The following DSCAM variants were observed in gnomAD, a reference collection of about 807,000 sequenced individuals.
DSCAM encodes the protein DS cell adhesion molecule.
A neutral mutation model predicts 217.7 loss-of-function variants in DSCAM; 47 were observed. The ratio of observed to expected loss-of-function variants is 0.22; its 90% confidence interval spans 0.17 to 0.28. The LOEUF is 0.28. Among genes scored for constraint, DSCAM ranks in the 10% least tolerant of loss-of-function variants. The pLI is 1.00. For missense variants in DSCAM, 2,080 were observed against 2,618.3 expected (o/e 0.79, Z 4.49); for synonymous variants, 1,056 against 1,015.3 (o/e 1.04, Z -0.76).
At chr21:40,053,904 A>G (rs2222999) in intron 29 of DSCAM, among the ~76,000 whole-genome samples, 71,737 of 152,032 alleles carry the variant, frequency 0.47, 17,635 homozygotes, top group African/African-American at 0.58. Context: ...GTCTAGTGAG[A>G]CGCATTTAGC....
intron 20 of DSCAM, among the ~76,000 whole-genome samples, chr21:40,110,417 C>T (rs1471563955): frequency 2.0e-5 from 3 of 152,092 alleles, no homozygotes; most frequent in South Asian, 2.1e-4. Context: ...CCCATCTGTA[C>T]GTCACCATCA....
rs139410064 is a variant in DSCAM at position 40,307,277 on chromosome 21, T to C, written c.2062+4804A>G. 9.1e-3 allele frequency among the ~76,000 whole-genome samples: 1,365 copies of C among 150,276 alleles called. 18 individuals are homozygous for C. The highest frequency in any genetic ancestry group is 0.032 in the African/African-American group (1,296 of 41,000). On this transcript the variant is annotated intron_variant, in intron 9 of 32. Coordinates refer to ENST00000400454, the MANE Select transcript of DSCAM (RefSeq NM_001389.5). ...CCCATCAAAAAGTAGGCAAAGGACA[T>C]GAACAGACACTTCTCAAAAGAAGAC...
chr21:40,318,177 T>G lies in DSCAM; in HGVS notation c.1784-5818A>C, dbSNP rs367876675. ...AGCAAGGGGAACATCACATTCTGGG[T>G]ACTGTTGTGGGGTGGGGGGAGGGGG... On this transcript the variant is annotated intron_variant, in intron 8 of 32. Coordinates refer to ENST00000400454, the MANE Select transcript of DSCAM (RefSeq NM_001389.5). Among the ~76,000 whole-genome samples the G allele has an allele frequency of 1.3e-4, 13 of 99,614 alleles. No homozygotes were observed. The East Asian group carries it at 1.8e-3, about 13-fold the overall frequency. The allele number at this position is 99,614 out of a possible 152,430, so 65.4% of individuals were successfully genotyped here.
chr21:40,733,369 G>T (rs2091032145), intron 1 of DSCAM, among the ~76,000 whole-genome samples: 3 of 152,208 alleles, frequency 2.0e-5, no homozygotes, highest in African/African-American at 7.2e-5. Flanking sequence ...TCACATTGGA[G>T]AAGCGGAATT....
chr21:40,094,940 T>G, intron 20 of DSCAM, among the ~76,000 whole-genome samples: 1 of 152,242 alleles, frequency 6.6e-6, no homozygotes, highest in East Asian at 1.9e-4. Context: ...ATGTGTCACC[T>G]GATGACTGGA....
chr21:40,262,274 G>A lies in DSCAM; in HGVS notation c.2356+13823C>T, dbSNP rs144786279. Among the ~76,000 whole-genome samples the A allele has an allele frequency of 7.5e-3, 1,135 of 152,228 alleles. 10 individuals are homozygous for A. Among genetic ancestry groups the A allele is most frequent in the Admixed American group, 8.8e-3 (134 of 15,294 alleles). ...TGGGAAATCTAACCACGGTATTTGA[G>A]AGGCAGGATATTTAGGAGATAATTA... On this transcript the variant is annotated intron_variant, in intron 11 of 32. Coordinates refer to ENST00000400454, the MANE Select transcript of DSCAM (RefSeq NM_001389.5).
At chr21:40,109,154 G>A (rs2089861864) in intron 20 of DSCAM, among the ~76,000 whole-genome samples, 1 of 152,160 alleles carries the variant, frequency 6.6e-6, no homozygotes, top group Non-Finnish European at 1.5e-5. Flanking sequence ...GGACAAATGG[G>A]ATCAAGTAAA....
At chr21:40,169,037 G>A (rs1035640558) in intron 15 of DSCAM, among the ~76,000 whole-genome samples, 1 of 152,080 alleles carries the variant, frequency 6.6e-6, no homozygotes. Flanking sequence ...GGAAGCAAAT[G>A]GGAGAAATTT....
chr21:40,187,389 A>T, intron 13 of DSCAM, 130 bp from the exon 14 acceptor site: 1 of 1,243,768 alleles, frequency 8.0e-7, no homozygotes, highest in South Asian at 1.6e-5. Context: ...TTTTATTTGG[A>T]AGCATTTTCT....
intron 3 of DSCAM, among the ~76,000 whole-genome samples, chr21:40,413,603 AAACT>A (rs1338275599): frequency 6.6e-6 from 1 of 152,222 alleles, no homozygotes; most frequent in African/African-American, 2.4e-5. Flanking sequence ...GGATATTGAC[AAACT>A]AATTATAAAG....
intron 28 of DSCAM, among the ~76,000 whole-genome samples, chr21:40,058,334 G>A (rs765109463): frequency 1.3e-5 from 2 of 152,092 alleles, no homozygotes; most frequent in Non-Finnish European, 2.9e-5. Context: ...CGATGGGGAC[G>A]TCTTCTGTGT....
intron 3 of DSCAM, among the ~76,000 whole-genome samples, chr21:40,584,021 A>G (rs981452539): frequency 6.6e-6 from 1 of 152,148 alleles, no homozygotes; most frequent in South Asian, 2.1e-4. Context: ...CAAAATTGCC[A>G]GTGTGCTTGG....
intron 9 of DSCAM, among the ~76,000 whole-genome samples, chr21:40,306,654 G>C (rs1181633995): frequency 1.9e-4 from 29 of 151,368 alleles, no homozygotes; most frequent in African/African-American, 2.4e-4. Flanking sequence ...TAGCATGAAG[G>C]GTTGTTGAAT....
intron 1 of DSCAM, among the ~76,000 whole-genome samples, chr21:40,756,565 T>G (rs2091278488): frequency 6.6e-6 from 1 of 151,346 alleles, no homozygotes. Context: ...CTAATTTTTG[T>G]ATTTTTAGCA....
intron 11 of DSCAM, among the ~76,000 whole-genome samples, chr21:40,224,316 T>C (rs1428316335): frequency 6.6e-6 from 1 of 152,240 alleles, no homozygotes. Flanking sequence ...GATATCATAT[T>C]TAATATTTAA....
intron 2 of DSCAM, among the ~76,000 whole-genome samples, chr21:40,702,956 C>A (rs2090673346): frequency 1.3e-5 from 2 of 152,054 alleles, no homozygotes; most frequent in African/African-American, 4.8e-5. Context: ...TTACTTCTGC[C>A]TATGTTACAA....
At position 40,227,933 on chromosome 21, in the gene DSCAM, T is replaced by C. The variant is rs568816068; in HGVS notation, c.2357-38695A>G. Among the ~76,000 whole-genome samples the C allele has an allele frequency of 2.0e-5, 3 of 152,326 alleles. No homozygotes were observed. The South Asian group carries it at 6.2e-4, about 32-fold the overall frequency. ...CAAGATCCCATCCAGGATCCCATTC[T>C]ACATTCTGCCATCATGTCTTCTTAA... On this transcript the variant is annotated intron_variant, in intron 11 of 32. Transcript: ENST00000400454.
At position 40,650,487 on chromosome 21, in the gene DSCAM, G is replaced by A. The variant is rs147463117; in HGVS notation, c.508+42323C>T. Among the ~76,000 whole-genome samples the A allele has an allele frequency of 3.1e-3, 476 of 152,378 alleles. 8 individuals are homozygous for A. The highest frequency in any genetic ancestry group is 0.031 in the Middle Eastern group (9 of 294). ...ATTAACATTTGAATCAGTGAACTGA[G>A]TAAAGAAGATTGTCTTCAGCCACGT... On this transcript the variant is annotated intron_variant, in intron 3 of 32. Coordinates refer to ENST00000400454, the MANE Select transcript of DSCAM (RefSeq NM_001389.5).
At chr21:40,260,760 C>G (rs2073438885) in intron 11 of DSCAM, among the ~76,000 whole-genome samples, 1 of 152,178 alleles carries the variant, frequency 6.6e-6, no homozygotes, top group Non-Finnish European at 1.5e-5. Context: ...GATGAAAGCA[C>G]TTATGTGTAG....
Sources: allele counts gnomAD v4.1 joint callset (sites outside exome capture counted in the v4.1 genomes callset), GRCh38; gene constraint gnomAD v4.1.1; transcripts MANE v1.5; gene names NCBI Gene and HGNC (gene_info 2026-07-23, HGNC 2026-07-21).